Variants in RALGAPA2 observed in about 807,000 individuals in gnomAD.
RALGAPA2 encodes Ral GTPase activating protein catalytic subunit alpha 2, also known as ral GTPase-activating protein subunit alpha-2.
Under a neutral mutation model 230.4 loss-of-function variants are expected in RALGAPA2, and 139 were observed. The observed-to-expected ratio is 0.60, with a 90% confidence interval of 0.53 to 0.69. The LOEUF is 0.69. Ranked by LOEUF, RALGAPA2 falls within the 30% of genes least tolerant of loss-of-function variation. RALGAPA2 has a pLI of 0.00. For missense variants in RALGAPA2, 2,163 were observed against 2,276.0 expected (o/e 0.95, Z 1.01); for synonymous variants, 847 against 837.8 (o/e 1.01, Z -0.19).
In RALGAPA2 at chr20:20,437,134, C is replaced by T. The variant is rs2060633133; in HGVS notation, c.5496-24986G>A. 6.6e-6 allele frequency among the ~76,000 whole-genome samples: 1 copy of T among 152,170 alleles called. No individual in the cohort carries two copies. Among genetic ancestry groups the T allele is most frequent in the South Asian group, 2.1e-4 (1 of 4,828 alleles). Reference sequence around the variant, plus strand: ...ATATGTATAATTTCATAAATGTTAGCTCAATAAATGTTGGCATTATTAATT... The same window carrying T: ...ATATGTATAATTTCATAAATGTTAGTTCAATAAATGTTGGCATTATTAATT... On this transcript the variant is annotated intron_variant, in intron 37 of 39. Coordinates refer to ENST00000202677, the MANE Select transcript of RALGAPA2 (RefSeq NM_020343.4). This position sits in a 1 kb window ranked among gnomAD's most constrained non-coding sequence, Gnocchi z 4.1.
chr20:20,636,819 G>C (rs1358714386), intron 8 of RALGAPA2, among the ~76,000 whole-genome samples: 5 of 152,096 alleles, frequency 3.3e-5, no homozygotes, highest in Admixed American at 6.6e-5. Flanking sequence ...AAAACATTAG[G>C]AGCCAAATTG....
chr20:20,569,264 A>G (rs2064548874), intron 23 of RALGAPA2, among the ~76,000 whole-genome samples: 1 of 152,198 alleles, frequency 6.6e-6, no homozygotes, highest in East Asian at 1.9e-4. Context: ...CAAAGGAATA[A>G]AGTTTACTTA....
chr20:20,638,055 T>C (rs1178598695), intron 7 of RALGAPA2, among the ~76,000 whole-genome samples: 2 of 152,180 alleles, frequency 1.3e-5, no homozygotes, highest in South Asian at 2.1e-4. Flanking sequence ...CAGTCCACTA[T>C]GGATTAAGTT....
At chr20:20,436,944 C>G (rs117679680) in intron 37 of RALGAPA2, among the ~76,000 whole-genome samples, 2 of 152,150 alleles carry the variant, frequency 1.3e-5, no homozygotes, top group African/African-American at 4.8e-5. Flanking sequence ...TCATGGCAGC[C>G]GCACCGGGGA....
At chr20:20,494,662 G>A (rs544106655) in intron 36 of RALGAPA2, among the ~76,000 whole-genome samples, 1 of 152,324 alleles carries the variant, frequency 6.6e-6, no homozygotes, top group Admixed American at 6.5e-5. Context: ...AATTCTGCAG[G>A]ATTGACCCCA....
At position 20,428,755 on chromosome 20, in the gene RALGAPA2, TCCAC is replaced by T. The variant is rs1194332966; in HGVS notation, c.5496-16611_5496-16608del. On this transcript the variant is annotated intron_variant, in intron 37 of 39. Transcript: ENST00000202677. ...ACCCACCCATCCATCCATCCATCCATCCACCCACCCACCCACCCATTCACCCATC... is the reference window on the plus strand; with the variant it reads ...ACCCACCCATCCATCCATCCATCCATCCACCCACCCACCCATTCACCCATC... Among the ~76,000 whole-genome samples, 17 of 128,300 alleles carry T rather than the reference TCCAC, an allele frequency of 1.3e-4. No homozygotes were observed. The East Asian group carries it at 2.1e-3, about 16-fold the overall frequency. The allele number at this position is 128,300 out of a possible 152,430, so 84.2% of individuals were successfully genotyped here. A position where few individuals can be genotyped will look rare whatever the true frequency, so the allele number is the denominator to read the frequency against.
At chr20:20,473,803 AAGTTCCATGAGATCACAATTCTTACATG>A (rs2061590387) in intron 36 of RALGAPA2, among the ~76,000 whole-genome samples, 1 of 152,182 alleles carries the variant, frequency 6.6e-6, no homozygotes. Flanking sequence ...TGCAGATTGT[AAGTTCCATGAGATCACAATTCTTACATG>A]AGCTCCATGA....
intron 16 of RALGAPA2, among the ~76,000 whole-genome samples, chr20:20,601,285 AGTCC>A (rs1288165554): frequency 2.6e-5 from 4 of 152,236 alleles, no homozygotes; most frequent in Non-Finnish European, 5.9e-5. Flanking sequence ...ATGTCTATCC[AGTCC>A]TGAAATTCTC....
At chr20:20,692,717 A>G (rs1167441380) in intron 1 of RALGAPA2, among the ~76,000 whole-genome samples, 1 of 152,108 alleles carries the variant, frequency 6.6e-6, no homozygotes, top group African/African-American at 2.4e-5. Flanking sequence ...CTGCCTTTGG[A>G]TATCATTCTA....
chr20:20,695,972 AT>A (rs140853829), intron 1 of RALGAPA2, among the ~76,000 whole-genome samples: 1,696 of 147,290 alleles, frequency 0.012, 28 homozygotes, highest in African/African-American at 0.04. Flanking sequence ...ACAGATCTCC[AT>A]TTTTTTTTTG....
chr20:20,623,914 T>C lies in RALGAPA2; in HGVS notation c.1234-3284A>G, dbSNP rs117018132. On this transcript the variant is annotated intron_variant, in intron 10 of 39. Coordinates refer to ENST00000202677, the MANE Select transcript of RALGAPA2 (RefSeq NM_020343.4). Reference sequence around the variant, plus strand: ...GTCTCAAATTATACAACTGAAGTCCTTGTGAGATTGTCCTGTTTCTTCTGA... The same window carrying C: ...GTCTCAAATTATACAACTGAAGTCCCTGTGAGATTGTCCTGTTTCTTCTGA... Among the ~76,000 whole-genome samples, 652 of 152,332 alleles carry C rather than the reference T, an allele frequency of 4.3e-3. 2 individuals carry two copies. Among genetic ancestry groups the C allele is most frequent in the Admixed American group, 8.9e-3 (136 of 15,304 alleles).
chr20:20,678,128 T>C (rs2068399500), intron 2 of RALGAPA2, among the ~76,000 whole-genome samples: 2 of 152,168 alleles, frequency 1.3e-5, no homozygotes, highest in South Asian at 4.1e-4. Flanking sequence ...GGATGTATTT[T>C]GAAGATAGAG....
intron 24 of RALGAPA2, among the ~76,000 whole-genome samples, chr20:20,543,575 T>C (rs1249965954): frequency 6.6e-6 from 1 of 152,184 alleles, no homozygotes; most frequent in Non-Finnish European, 1.5e-5. Flanking sequence ...TTCATGTCCT[T>C]TGTAGGAACA....
At chr20:20,583,327 G>A in intron 19 of RALGAPA2, 101 bp from the exon 20 acceptor site, 2 of 1,253,264 alleles carry the variant, frequency 1.6e-6, no homozygotes, top group Non-Finnish European at 2.2e-6. Context: ...AGCAGACACA[G>A]TAGGAATCAT....
At chr20:20,413,541 C>A (rs1326676836) in intron 37 of RALGAPA2, among the ~76,000 whole-genome samples, 2 of 152,146 alleles carry the variant, frequency 1.3e-5, no homozygotes, top group Non-Finnish European at 2.9e-5. Context: ...AAGTAAAGAG[C>A]TAAAATTCAG....
chr20:20,458,490 TTA>T lies in RALGAPA2; in HGVS notation c.5495+14337_5495+14338del, dbSNP rs1275638160. Among the ~76,000 whole-genome samples the T allele has an allele frequency of 3.0e-5, 4 of 134,880 alleles. No individual in the cohort carries two copies. In the East Asian group the frequency reaches 6.3e-4, roughly 21 times the overall value. 88.5% of individuals were successfully genotyped at this position (134,880 alleles called of 152,430 possible). ...ATATAATATATAATATATATGTATT[TTA>T]TATATATTATATATAATATATATGT... On this transcript the variant is annotated intron_variant, in intron 37 of 39. Transcript: ENST00000202677.
At chr20:20,520,484 T>C (rs181876855) in intron 31 of RALGAPA2, among the ~76,000 whole-genome samples, 1 of 152,330 alleles carries the variant, frequency 6.6e-6, no homozygotes, top group East Asian at 1.9e-4. Context: ...CTTTTTATGA[T>C]GCTCTCCTAA....
rs1490491612 is a variant in RALGAPA2, at chr20:20,526,218, CTTATGT to C, written c.3693+28_3693+33del. 6.5e-6 allele frequency: 9 copies of C among 1,390,358 alleles called. No homozygotes were observed. The Admixed American group carries it at 1.4e-4, about 22-fold the overall frequency. The allele number at this position is 1,390,358 out of a possible 1,614,324, so 86.1% of individuals were successfully genotyped here. On this transcript the variant is annotated intron_variant, in intron 28 of 39. Coordinates refer to ENST00000202677, the MANE Select transcript of RALGAPA2 (RefSeq NM_020343.4). ...TATCAAATACAGTAAAAAGGAAATG[CTTATGT>C]TTTAGTATTACAGAAAAAAAGACTT...
intron 36 of RALGAPA2, among the ~76,000 whole-genome samples, chr20:20,475,474 A>G (rs1322073290): frequency 6.6e-6 from 1 of 152,226 alleles, no homozygotes; most frequent in Non-Finnish European, 1.5e-5. Context: ...AATACAGAAT[A>G]AAAACCATAT....
Sources: allele counts gnomAD v4.1 joint callset (sites outside exome capture counted in the v4.1 genomes callset), GRCh38; gene constraint gnomAD v4.1.1; non-coding constraint Gnocchi (gnomAD v3.1); transcripts MANE v1.5; gene names NCBI Gene and HGNC (gene_info 2026-07-23, HGNC 2026-07-21).